FRMD6: variants seen among roughly 807,000 people sequenced by gnomAD.
FRMD6 encodes the protein FERM domain-containing protein 6.
A neutral mutation model predicts 73.2 loss-of-function variants in FRMD6; 37 were observed. That is an observed-to-expected ratio of 0.51 (90% CI 0.39 to 0.66). The LOEUF (loss-of-function observed/expected upper bound fraction) is 0.66, where lower values mean the gene tolerates loss of function less well. FRMD6 is among the 30% of genes least tolerant of loss of function. The pLI is 0.00. For missense variants in FRMD6, 714 were observed against 780.5 expected (o/e 0.91, Z 1.02); for synonymous variants, 273 against 282.2 (o/e 0.97, Z 0.33).
chr14:51,436,121 G>T, the FRMD6 span: 2 of 233,902 alleles, frequency 8.6e-6, no homozygotes, highest in South Asian at 1.2e-4. Context: ...AGAAGACATT[G>T]ACTTCTGCAG....
At chr14:51,536,813 A>C (rs557173238) in intron 1 of FRMD6, among the ~76,000 whole-genome samples, 1 of 152,328 alleles carries the variant, frequency 6.6e-6, no homozygotes, top group African/African-American at 2.4e-5. Context: ...AACACTTTAC[A>C]TGGTGGAGTG....
chr14:51,636,691 G>A (rs181111746), intron 2 of FRMD6, among the ~76,000 whole-genome samples: 136 of 152,262 alleles, frequency 8.9e-4, no homozygotes, highest in Non-Finnish European at 1.5e-3. Flanking sequence ...CCAGAATGTG[G>A]GATGTGACCC....
At chr14:51,446,454 A>ACACACACACACACACACACACACG in the FRMD6 span, among the ~76,000 whole-genome samples, 2 of 151,822 alleles carry the variant, frequency 1.3e-5, no homozygotes, top group Non-Finnish European at 2.9e-5. Context: ...AGACACACAC[A>ACACACACACACACACACACACACG]CACACACACA....
chr14:51,478,910 C>T, the FRMD6 span, among the ~76,000 whole-genome samples: 21 of 151,720 alleles, frequency 1.4e-4, no homozygotes, highest in East Asian at 3.3e-3. Context: ...CCATAGTTGT[C>T]AAAAGAAAAA....
intron 7 of FRMD6, 131 bp downstream of exon 7, chr14:51,708,364 C>A: frequency 1.1e-6 from 1 of 892,156 alleles, no homozygotes; most frequent in Non-Finnish European, 1.7e-6. Flanking sequence ...AAAAGAGTTT[C>A]ATTGAACTGC....
rs906345340 is a variant in FRMD6, at chr14:51,717,948, A to G, written c.1025-2107A>G. Reference sequence around the variant, plus strand: ...AACAGCTGGAGCTTATTCCTAGGATAAGTATTCACATTTACTGCATTATTT... The same window carrying G: ...AACAGCTGGAGCTTATTCCTAGGATGAGTATTCACATTTACTGCATTATTT... On this transcript the variant is annotated intron_variant, in intron 10 of 13. Transcript: ENST00000344768. Among the ~76,000 whole-genome samples the G allele has an allele frequency of 3.3e-5, 5 of 152,218 alleles. No individual in the cohort carries two copies. The South Asian group carries it at 1.0e-3, about 32-fold the overall frequency.
At chr14:51,457,861 A>G in the FRMD6 span, among the ~76,000 whole-genome samples, 13 of 152,342 alleles carry the variant, frequency 8.5e-5, no homozygotes, top group African/African-American at 2.9e-4. Flanking sequence ...CACCTATTGC[A>G]TGAATGCCTT....
At chr14:51,603,562 A>C (rs1387072571) in intron 2 of FRMD6, among the ~76,000 whole-genome samples, 4 of 152,208 alleles carry the variant, frequency 2.6e-5, no homozygotes. Flanking sequence ...TGGTTAGAAA[A>C]AAATAGAACA....
At chr14:51,611,248 G>T (rs988101178) in intron 2 of FRMD6, among the ~76,000 whole-genome samples, 26 of 152,244 alleles carry the variant, frequency 1.7e-4, no homozygotes, top group Non-Finnish European at 1.9e-4. Flanking sequence ...TTCCTTAAAG[G>T]TATTATGGGG....
chr14:51,668,531 C>A (rs919231073), intron 1 of FRMD6, among the ~76,000 whole-genome samples: 5 of 151,944 alleles, frequency 3.3e-5, no homozygotes, highest in African/African-American at 1.2e-4. Context: ...GTCTTGAACC[C>A]CTGGCCTCAA....
At chr14:51,400,963 T>C in the FRMD6 span, among the ~76,000 whole-genome samples, 1 of 152,276 alleles carries the variant, frequency 6.6e-6, no homozygotes, top group Admixed American at 6.5e-5. Context: ...TCTATGCAGA[T>C]AATTCTTCAG....
chr14:51,689,841 A>T lies in FRMD6; in HGVS notation c.5A>T (p.Asn2Ile). 6.2e-7 allele frequency: 1 copy of T among 1,609,446 alleles called. No homozygotes were observed. Among genetic ancestry groups the T allele is most frequent in the Non-Finnish European group, 8.5e-7 (1 of 1,176,790 alleles). Residue 2 changes from asparagine (N) to isoleucine (I), a missense_variant, in exon 2 of 14, where the codon AAC becomes ATC. Transcript: ENST00000344768. Reference sequence around the variant, plus strand: ...CACCAGAGTGCCCAAAACACAATGAACAAATTGAATTTTCATAACAACAGA... The same window carrying T: ...CACCAGAGTGCCCAAAACACAATGATCAAATTGAATTTTCATAACAACAGA... MNKLNFHNNRVM... is the reference protein window; with the variant it reads MIKLNFHNNRVM...
intron 11 of FRMD6, among the ~76,000 whole-genome samples, chr14:51,721,558 G>A (rs1308255610): frequency 2.6e-5 from 4 of 151,432 alleles, no homozygotes; most frequent in East Asian, 2.0e-4. Context: ...TGCAGTGAGC[G>A]GAGATCACAC....
chr14:51,704,553 G>A, intron 5 of FRMD6, 196 bp from the exon 6 acceptor site: 1 of 530,376 alleles, frequency 1.9e-6, no homozygotes, highest in South Asian at 3.2e-5. Context: ...TCTGATTTGG[G>A]GTTCTGACCC....
At chr14:51,598,661 G>T (rs1889852215) in intron 2 of FRMD6, among the ~76,000 whole-genome samples, 1 of 152,120 alleles carries the variant, frequency 6.6e-6, no homozygotes, top group Admixed American at 6.5e-5. Context: ...AGAACATGTG[G>T]TATTTGGTTT....
chr14:51,656,505 C>T (rs1299149069), intron 1 of FRMD6, among the ~76,000 whole-genome samples: 1 of 151,948 alleles, frequency 6.6e-6, no homozygotes, highest in African/African-American at 2.4e-5. Context: ...CCTCCACCTC[C>T]CGGGTCCAAA....
At chr14:51,482,193 G>T in the FRMD6 span, among the ~76,000 whole-genome samples, 1 of 152,194 alleles carries the variant, frequency 6.6e-6, no homozygotes, top group Non-Finnish European at 1.5e-5. Context: ...GGCTTTACCT[G>T]ACTTTGGACT....
the FRMD6 span, chr14:51,437,003 T>C: frequency 1.4e-6 from 1 of 721,858 alleles, no homozygotes; most frequent in South Asian, 1.5e-5. Context: ...TTTAAATTAT[T>C]ATACTTAAGT....
intron 2 of FRMD6, chr14:51,637,786 T>A (rs778234701): frequency 2.0e-5 from 3 of 152,182 alleles, no homozygotes; most frequent in Non-Finnish European, 4.4e-5. Context: ...AAAGATTAAA[T>A]TCACAAAACA....
Sources: gnomAD v4.1 joint callset for allele counts (sites outside exome capture counted in the v4.1 genomes callset) on GRCh38, gnomAD v4.1.1 for gene constraint, MANE v1.5 for transcripts, NCBI Gene and HGNC (gene_info 2026-07-23, HGNC 2026-07-21) for gene names.